The following NSMCE4A variants were observed in gnomAD, a reference collection of about 807,000 sequenced individuals.
NSMCE4A encodes the protein non-structural maintenance of chromosomes element 4 homolog A.
Under a neutral mutation model 47.9 loss-of-function variants are expected in NSMCE4A, and 40 were observed. The observed-to-expected ratio is 0.83, with a 90% CI of 0.65 to 1.09. NSMCE4A has a LOEUF of 1.09. Ranked by LOEUF, NSMCE4A falls within the 50% of genes least tolerant of loss-of-function variation. NSMCE4A has a pLI of 0.00. For missense variants in NSMCE4A, 500 were observed against 507.0 expected (o/e 0.99, Z 0.13); for synonymous variants, 166 against 178.5 (o/e 0.93, Z 0.56).
At chr10:121,957,435 T>C (rs866866348) in intron 10 of NSMCE4A, among the ~76,000 whole-genome samples, 176 bp from the exon 11 acceptor site, 2,448 of 118,324 alleles carry the variant, frequency 0.021, 50 homozygotes, top group African/African-American at 0.068. Flanking sequence ...TTTTCTTTTT[T>C]TTTTTTTTTT....
chr10:121,959,726 A>T (rs1952464257), intron 8 of NSMCE4A, 131 bp from the exon 9 acceptor site: 2 of 644,340 alleles, frequency 3.1e-6, no homozygotes, highest in East Asian at 2.7e-5. Context: ...CATACTTTTT[A>T]GGATTTCATG....
chr10:121,974,203 G>A, intron 1 of NSMCE4A, 122 bp from the exon 2 acceptor site: 1 of 1,364,682 alleles, frequency 7.3e-7, no homozygotes, highest in Non-Finnish European at 9.9e-7. Context: ...TAATTACTTC[G>A]AACATCTTTA....
At position 121,961,525 on chromosome 10, in the gene NSMCE4A, CA is replaced by C; in HGVS notation, c.845-9del. ...AGGACATTGGGGTATCAGCTATAGA[CA>C]AAAAGAGAAAAAAAAATTGATTTTT... On this transcript the variant is annotated splice_polypyrimidine_tract_variant and intron_variant, in intron 6 of 10. Transcript: ENST00000369023. 6.5e-7 allele frequency: 1 copy of C among 1,527,410 alleles called. No individual in the cohort carries two copies. The highest frequency in any genetic ancestry group is 1.4e-5 in the African/African-American group (1 of 69,394). The allele number at this position is 1,527,410 out of a possible 1,614,324, so 94.6% of individuals were successfully genotyped here.
chr10:121,967,881 A>G, intron 3 of NSMCE4A, 75 bp from the exon 4 acceptor site: 1 of 1,488,252 alleles, frequency 6.7e-7, no homozygotes. Context: ...AATCCGCATC[A>G]CTCAACCTTT....
At chr10:121,973,596 G>A (rs1430077558) in intron 2 of NSMCE4A, among the ~76,000 whole-genome samples, 1 of 152,158 alleles carries the variant, frequency 6.6e-6, no homozygotes, top group Admixed American at 6.6e-5. Context: ...CCAATAGCAG[G>A]GAGCTGAGGA....
At chr10:121,971,408 G>A (rs1282788251) in intron 2 of NSMCE4A, among the ~76,000 whole-genome samples, 1 of 152,154 alleles carries the variant, frequency 6.6e-6, no homozygotes, top group East Asian at 1.9e-4. Context: ...TACTTGGGAG[G>A]CTGAGGCAGA....
chr10:121,965,166 G>A (rs1952582907), intron 5 of NSMCE4A, 120 bp downstream of exon 5: 1 of 620,784 alleles, frequency 1.6e-6, no homozygotes, highest in Non-Finnish European at 2.8e-6. Flanking sequence ...GATTATTTAA[G>A]TGACAAAACC....
chr10:121,968,381 A>T (rs1252355993), intron 3 of NSMCE4A, among the ~76,000 whole-genome samples: 1 of 152,242 alleles, frequency 6.6e-6, no homozygotes, highest in Non-Finnish European at 1.5e-5. Context: ...GCACTAACAT[A>T]TAAATATAAA....
chr10:121,974,874 GT>G lies in NSMCE4A; in HGVS notation c.291del (p.Gln97HisfsTer8). On this transcript the variant is annotated frameshift_variant and splice_region_variant, in exon 1 of 11. Transcript: ENST00000369023. LOFTEE classifies it high-confidence loss of function. ...GCGCCGCCCGGAGGCGCCGCCTTAC[GT>G]TGGACGGAGTTGATGAGCGCCCGGT... ...HQYRALINSV[Q>X]QNREDILNAG... 1 of 1,487,136 alleles carries G rather than the reference GT, an allele frequency of 6.7e-7. No homozygotes were observed. The highest frequency in any genetic ancestry group is 1.3e-5 in the South Asian group (1 of 78,084). 92.1% of individuals were successfully genotyped at this position (1,487,136 alleles called of 1,614,324 possible). A position where few individuals can be genotyped will look rare whatever the true frequency, so the allele number is the denominator to read the frequency against.
In NSMCE4A at chr10:121,970,922, T is replaced by C; in HGVS notation, c.501+17A>G. ...AACAGAACATTTTTTATTCAGAGTC[T>C]GTAGCTTTGAACTTACTAGAGTTTC... On this transcript the variant is annotated intron_variant, in intron 3 of 10. Coordinates refer to ENST00000369023, the MANE Select transcript of NSMCE4A (RefSeq NM_017615.3). 6.3e-7 allele frequency: 1 copy of C among 1,591,506 alleles called. No individual in the cohort carries two copies. The highest frequency in any genetic ancestry group is 8.6e-7 in the Non-Finnish European group (1 of 1,168,942).
chr10:121,957,589 AC>A (rs1006783681), intron 10 of NSMCE4A, among the ~76,000 whole-genome samples: 4 of 151,444 alleles, frequency 2.6e-5, no homozygotes, highest in Non-Finnish European at 5.9e-5. Flanking sequence ...GCCCACCACC[AC>A]GCCCAGCTAA....
At chr10:121,974,335 A>G in intron 1 of NSMCE4A, 1 of 1,290,936 alleles carries the variant, frequency 7.7e-7, no homozygotes, top group Non-Finnish European at 9.9e-7. Flanking sequence ...CTCCGGCTGC[A>G]GCCTCTGAGT....
intron 4 of NSMCE4A, chr10:121,966,369 G>A (rs768444699): frequency 1.3e-5 from 2 of 152,196 alleles, no homozygotes; most frequent in Non-Finnish European, 2.9e-5. Context: ...AGAGTTTTAA[G>A]TACTTCATTG....
chr10:121,971,293 G>A (rs528742506), intron 2 of NSMCE4A, among the ~76,000 whole-genome samples: 251 of 152,022 alleles, frequency 1.7e-3, no homozygotes, highest in African/African-American at 5.5e-3. Flanking sequence ...GGCGGATCAC[G>A]AGGTCAGGAG....
At chr10:121,974,160 A>G (rs1952770983) in intron 1 of NSMCE4A, 79 bp from the exon 2 acceptor site, 1 of 1,361,660 alleles carries the variant, frequency 7.3e-7, no homozygotes, top group African/African-American at 1.4e-5. Context: ...CACCTGCAAC[A>G]GTAAAGCCAA....
At chr10:121,967,363 A>T in intron 4 of NSMCE4A, 2 of 287,306 alleles carry the variant, frequency 7.0e-6, no homozygotes, top group Non-Finnish European at 1.3e-5. Flanking sequence ...CAGCGGGCTA[A>T]TTTTTTGTAT....
chr10:121,974,313 C>A, intron 1 of NSMCE4A: 1 of 1,333,562 alleles, frequency 7.5e-7, no homozygotes, highest in South Asian at 1.9e-5. Context: ...AACCTTAACC[C>A]AAAGGGCTGG....
intron 6 of NSMCE4A, chr10:121,962,175 T>C (rs1952513938): frequency 6.1e-6 from 2 of 326,550 alleles, no homozygotes; most frequent in Non-Finnish European, 1.2e-5. Flanking sequence ...TCCCAGCACT[T>C]TGGGAGGCCG....
intron 1 of NSMCE4A, chr10:121,974,325 C>T (rs1447887388): frequency 7.7e-7 from 1 of 1,304,602 alleles, no homozygotes; most frequent in East Asian, 3.0e-5. Flanking sequence ...AAGGGCTGGA[C>T]TCCGGCTGCA....
Sources: gnomAD v4.1 joint callset for allele counts (sites outside exome capture counted in the v4.1 genomes callset) on GRCh38, gnomAD v4.1.1 for gene constraint, MANE v1.5 for transcripts, NCBI Gene and HGNC (gene_info 2026-07-23, HGNC 2026-07-21) for gene names.